The following CDS2 variants were observed in gnomAD, a reference collection of about 807,000 sequenced individuals.
CDS2 encodes the protein CDP-diacylglycerol synthase 2, also known as phosphatidate cytidylyltransferase 2.
CDS2 carries 47 observed loss-of-function variants against 59.0 expected under a neutral mutation model. The ratio of observed to expected loss-of-function variants is 0.80; its 90% CI spans 0.63 to 1.02. The LOEUF (loss-of-function observed/expected upper bound fraction) is 1.02. Among genes scored for constraint, CDS2 ranks in the 50% least tolerant of loss-of-function variants. The pLI, the probability that CDS2 is intolerant of heterozygous loss-of-function variation, is 0.00. For synonymous variants in CDS2, 207 were observed against 206.4 expected (o/e 1.00, Z -0.02); for missense variants, 356 against 558.9 (o/e 0.64, Z 3.66).
chr20:5,149,719 G>GT (rs1489073970), intron 1 of CDS2, among the ~76,000 whole-genome samples: 1 of 151,636 alleles, frequency 6.6e-6, no homozygotes, highest in African/African-American at 2.4e-5. Context: ...AGTGTTTTTT[G>GT]TTTTTTGTTT....
chr20:5,137,077 C>T (rs1254388256), intron 1 of CDS2, among the ~76,000 whole-genome samples: 1 of 151,884 alleles, frequency 6.6e-6, no homozygotes, highest in East Asian at 1.9e-4. Context: ...GGATAATGAC[C>T]CCTAGCTGCA....
At position 5,196,323 on chromosome 20, in the gene CDS2, A is replaced by G. The variant is rs1054386327; in HGVS notation, c.*6089A>G. ...TTCCTCCCTCATTGTGTTGTTGAAT[A>G]GACCTAGGCAGCCTTGTATCCATAG... On this transcript the variant is annotated 3_prime_UTR_variant, in exon 13 of 13. Coordinates refer to ENST00000460006, the MANE Select transcript of CDS2 (RefSeq NM_003818.4). 2.0e-5 allele frequency: 3 copies of G among 152,030 alleles called. No individual in the cohort carries two copies. Among genetic ancestry groups the G allele is most frequent in the Non-Finnish European group, 4.4e-5 (3 of 68,034 alleles). The allele number at this position is 152,030 out of a possible 1,614,324, so 9.4% of individuals were successfully genotyped here. A position where few individuals can be genotyped will look rare whatever the true frequency, so the allele number is the denominator to read the frequency against.
At chr20:5,158,687 T>C (rs1377323142) in intron 1 of CDS2, among the ~76,000 whole-genome samples, 3 of 152,210 alleles carry the variant, frequency 2.0e-5, no homozygotes, top group Non-Finnish European at 2.9e-5. Context: ...TGTACCCCAG[T>C]TTCTGGTTGG....
chr20:5,171,363 C>G (rs565179146), intron 1 of CDS2, among the ~76,000 whole-genome samples: 55 of 152,300 alleles, frequency 3.6e-4, no homozygotes, highest in African/African-American at 1.3e-3. Context: ...GTGCCCTCTC[C>G]CCTGCTGCTC....
intron 12 of CDS2, 65 bp downstream of exon 12, chr20:5,189,903 T>C: frequency 7.0e-7 from 1 of 1,424,332 alleles, no homozygotes; most frequent in Non-Finnish European, 9.8e-7. Flanking sequence ...TCTAGAATTT[T>C]AGCGGCATCT....
At position 5,189,795 on chromosome 20, in the gene CDS2, C is replaced by T. The variant is rs1269544851; in HGVS notation, c.1162C>T (p.Leu388=). Residue 388 remains leucine, a synonymous_variant, in exon 12 of 13, where the codon CTG becomes TTG. Coordinates refer to ENST00000460006, the MANE Select transcript of CDS2 (RefSeq NM_003818.4). ...CATGGATCGCTTTGACTGCCAGTAT[C>T]TGATGGCCACCTTTGTCAATGTATA... ...GIMDRFDCQY[L]MATFVNVYIA... 1.2e-6 allele frequency: 2 copies of T among 1,614,106 alleles called. No individual in the cohort carries two copies. Among genetic ancestry groups the T allele is most frequent in the Non-Finnish European group, 1.7e-6 (2 of 1,179,940 alleles).
intron 1 of CDS2, among the ~76,000 whole-genome samples, chr20:5,171,081 ACT>A (rs1432291640): frequency 6.6e-6 from 1 of 152,066 alleles, no homozygotes; most frequent in Non-Finnish European, 1.5e-5. Flanking sequence ...TCCTTTTACT[ACT>A]CTCTGCCTCT....
Position 5,175,199 on chromosome 20 carries a change from G to T in CDS2, c.211G>T (p.Val71Leu), listed in dbSNP as rs1225643228. 3 of 1,613,784 alleles carry T rather than the reference G, an allele frequency of 1.9e-6. No individual in the cohort carries two copies. Among genetic ancestry groups the T allele is most frequent in the Non-Finnish European group, 2.5e-6 (3 of 1,179,794 alleles). ...NLSSRWKNWW[V>L]RGILTLAMIA... The stretch of plus-strand genomic sequence containing the variant: ...CTGACCTAGATGGAAGAACTGGTGG[G>T]TGAGAGGCATCCTGACTTTGGCCAT... Residue 71 changes from valine to leucine, a missense_variant, in exon 3 of 13, where the codon GTG (valine) becomes TTG (leucine). This residue lies in a region of CDS2 where 107 missense variants were observed against 129.7 expected (regional missense o/e 0.82). Transcript: ENST00000460006.
chr20:5,128,298 G>C (rs559671006), intron 1 of CDS2: 83 of 152,288 alleles, frequency 5.5e-4, no homozygotes, highest in African/African-American at 1.7e-3. Flanking sequence ...TGGACGCAAC[G>C]GACATTAGGG....
At position 5,186,855 on chromosome 20, in the gene CDS2, A is replaced by T; in HGVS notation, c.981+16A>T. ...CATTGGCTGGGTATGTGCCACTCAC[A>T]GGGGGTGAGCGGCCTCCATGGACAG... On this transcript the variant is annotated intron_variant, in intron 10 of 12. Coordinates refer to ENST00000460006, the MANE Select transcript of CDS2 (RefSeq NM_003818.4). 1 of 1,613,468 alleles carries T rather than the reference A, an allele frequency of 6.2e-7. No individual in the cohort carries two copies. Among genetic ancestry groups the T allele is most frequent in the Non-Finnish European group, 8.5e-7 (1 of 1,179,574 alleles).
intron 7 of CDS2, among the ~76,000 whole-genome samples, chr20:5,183,435 C>CA (rs1399473779): frequency 2.6e-5 from 4 of 152,056 alleles, no homozygotes; most frequent in African/African-American, 9.7e-5. Context: ...TTTAAAGACT[C>CA]AAAGACAATG....
chr20:5,155,584 T>A (rs1346391240), intron 1 of CDS2, among the ~76,000 whole-genome samples: 1 of 152,224 alleles, frequency 6.6e-6, no homozygotes, highest in Non-Finnish European at 1.5e-5. Flanking sequence ...TGTCTTCACA[T>A]TGCTCTCTCC....
intron 2 of CDS2, among the ~76,000 whole-genome samples, chr20:5,174,502 C>A (rs1052188654): frequency 6.6e-6 from 1 of 152,002 alleles, no homozygotes; most frequent in African/African-American, 2.4e-5. Context: ...TTTGGGAGGC[C>A]GAGGCGGGTG....
chr20:5,132,403 T>C (rs1214488485), intron 1 of CDS2, among the ~76,000 whole-genome samples: 1 of 152,102 alleles, frequency 6.6e-6, no homozygotes, highest in Non-Finnish European at 1.5e-5. Context: ...CGGCCTCTTT[T>C]TGGTTTATTT....
chr20:5,133,111 C>G (rs561467373), intron 1 of CDS2, among the ~76,000 whole-genome samples: 15 of 151,742 alleles, frequency 9.9e-5, no homozygotes, highest in Admixed American at 6.6e-5. Flanking sequence ...GGAGGCGGAG[C>G]TTGCAGTGAG....
intron 1 of CDS2, among the ~76,000 whole-genome samples, chr20:5,138,171 C>T (rs111269470): frequency 1.1e-4 from 17 of 149,152 alleles, no homozygotes; most frequent in African/African-American, 3.5e-4. Flanking sequence ...AGGCTGGTCT[C>T]GAACTCCTGG....
intron 4 of CDS2, among the ~76,000 whole-genome samples, chr20:5,177,502 C>A (rs2091003176): frequency 6.6e-6 from 1 of 152,180 alleles, no homozygotes; most frequent in Non-Finnish European, 1.5e-5. Context: ...ACCTGTAACA[C>A]ATGTCTGAGA....
At chr20:5,159,622 C>G (rs2090861612) in intron 1 of CDS2, among the ~76,000 whole-genome samples, 1 of 152,132 alleles carries the variant, frequency 6.6e-6, no homozygotes, top group Non-Finnish European at 1.5e-5. Flanking sequence ...ATAATAATGC[C>G]TGTGCAGATG....
chr20:5,190,400 C>T lies in CDS2; in HGVS notation c.*166C>T. 1 of 607,744 alleles carries T rather than the reference C, an allele frequency of 1.6e-6. No homozygotes were observed. Among genetic ancestry groups the T allele is most frequent in the East Asian group, 2.8e-5 (1 of 35,160 alleles). The allele number at this position is 607,744 out of a possible 1,614,324, so 37.6% of individuals were successfully genotyped here. ...TGTGGGTTCAAAAAATCTGTATATACAGTCTATGTGTTTAGAATTTGTGTT... is the reference window on the plus strand; with the variant it reads ...TGTGGGTTCAAAAAATCTGTATATATAGTCTATGTGTTTAGAATTTGTGTT... On this transcript the variant is annotated 3_prime_UTR_variant, in exon 13 of 13. Coordinates refer to ENST00000460006, the MANE Select transcript of CDS2 (RefSeq NM_003818.4).
Sources: gnomAD v4.1 joint callset for allele counts (sites outside exome capture counted in the v4.1 genomes callset) on GRCh38, gnomAD v4.1.1 for gene constraint, gnomAD v4.1.1 regional missense constraint, MANE v1.5 for transcripts, NCBI Gene and HGNC (gene_info 2026-07-23, HGNC 2026-07-21) for gene names.